TNNI3K: variants seen among roughly 807,000 people sequenced by gnomAD.
TNNI3K encodes TNNI3 interacting kinase.
Under a neutral mutation model 114.5 loss-of-function variants are expected in TNNI3K, and 140 were observed. That is an observed-to-expected ratio of 1.22 (90% CI 1.07 to 1.41). TNNI3K has a LOEUF of 1.41. TNNI3K is among the 40% of genes most tolerant of loss of function. The probability of loss-of-function intolerance (pLI) is 0.00; values close to 1 mark genes in which losing one functional copy is unlikely to be tolerated. For synonymous variants in TNNI3K, 347 were observed against 347.5 expected, an observed-to-expected ratio of 1.00 and a Z score of 0.02; for missense variants, 1,125 against 1,007.6, an observed-to-expected ratio of 1.12 and a Z score of -1.58.
In TNNI3K at chr1:74,388,694, C is replaced by A. The variant is rs573939339; in HGVS notation, c.1772+18302C>A. On this transcript the variant is annotated intron_variant, in intron 17 of 24. Transcript: ENST00000326637. The stretch of plus-strand genomic sequence containing the variant: ...TTTCTGACTTATCTGAAAAATATAA[C>A]AAGGAAAACGGTTCTCATATTTGAA... 2.6e-4 allele frequency among the ~76,000 whole-genome samples: 39 copies of A among 152,276 alleles called. 1 individual carries two copies. In the South Asian group the frequency reaches 7.7e-3, roughly 30 times the overall value.
At chr1:74,383,952 C>T (rs1663337680) in intron 17 of TNNI3K, among the ~76,000 whole-genome samples, 1 of 151,960 alleles carries the variant, frequency 6.6e-6, no homozygotes, top group Non-Finnish European at 1.5e-5. Context: ...TTATTACACA[C>T]ACTAGATAGT....
intron 20 of TNNI3K, among the ~76,000 whole-genome samples, chr1:74,458,712 A>G (rs17095360): frequency 0.02 from 3,003 of 152,284 alleles, 86 homozygotes; most frequent in African/African-American, 0.069. Context: ...ACCAGAATTT[A>G]TATGAGTTCC....
At chr1:74,399,442 G>T (rs1664252481) in intron 17 of TNNI3K, among the ~76,000 whole-genome samples, 1 of 152,104 alleles carries the variant, frequency 6.6e-6, no homozygotes, top group Non-Finnish European at 1.5e-5. Context: ...TTGAGTTCAT[G>T]GTTCACCACT....
At chr1:74,478,041 C>T (rs1300993074) in intron 21 of TNNI3K, among the ~76,000 whole-genome samples, 1 of 152,098 alleles carries the variant, frequency 6.6e-6, no homozygotes, top group Non-Finnish European at 1.5e-5. Flanking sequence ...TATTTATGTT[C>T]TTTGGAATTT....
At chr1:74,259,283 C>A (rs1172328509) in intron 4 of TNNI3K, among the ~76,000 whole-genome samples, 1 of 152,178 alleles carries the variant, frequency 6.6e-6, no homozygotes, top group Non-Finnish European at 1.5e-5. Context: ...GACTTGAGAA[C>A]CAGGGGAGCC....
At chr1:74,467,965 C>T (rs943428326) in intron 21 of TNNI3K, among the ~76,000 whole-genome samples, 6 of 152,142 alleles carry the variant, frequency 3.9e-5, no homozygotes, top group African/African-American at 1.4e-4. Context: ...AGCTGGACTG[C>T]TGTTTGAGTA....
intron 21 of TNNI3K, among the ~76,000 whole-genome samples, chr1:74,484,786 CA>C (rs1241144413): frequency 6.6e-6 from 1 of 152,064 alleles, no homozygotes; most frequent in East Asian, 1.9e-4. Flanking sequence ...CGTTTTAACC[CA>C]AATAACATGG....
intron 21 of TNNI3K, chr1:74,471,375 A>G (rs181645034): frequency 3.8e-4 from 151 of 400,722 alleles, no homozygotes; most frequent in African/African-American, 2.8e-3. Flanking sequence ...ATAATTTCTT[A>G]GGAGGCAACA....
intron 20 of TNNI3K, among the ~76,000 whole-genome samples, chr1:74,443,951 A>G (rs770128556): frequency 1.3e-5 from 2 of 152,222 alleles, no homozygotes; most frequent in African/African-American, 2.4e-5. Context: ...CTTTGATACA[A>G]TTCAACATCC....
At chr1:74,473,980 ATGTG>A (rs1668062829) in intron 21 of TNNI3K, among the ~76,000 whole-genome samples, 1 of 152,130 alleles carries the variant, frequency 6.6e-6, no homozygotes, top group African/African-American at 2.4e-5. Context: ...TCTGGAGCAG[ATGTG>A]ACCTTGGCTG....
At chr1:74,478,863 G>A (rs1045717042) in intron 21 of TNNI3K, among the ~76,000 whole-genome samples, 8 of 152,048 alleles carry the variant, frequency 5.3e-5, no homozygotes, top group African/African-American at 1.9e-4. Flanking sequence ...GTCTTTTATG[G>A]TAAATTATTT....
intron 5 of TNNI3K, among the ~76,000 whole-genome samples, chr1:74,312,014 T>C (rs1215525685): frequency 6.6e-6 from 1 of 152,188 alleles, no homozygotes. Flanking sequence ...GTAAGTTGTA[T>C]TTAGATTCTA....
intron 9 of TNNI3K, among the ~76,000 whole-genome samples, chr1:74,349,193 G>GT (rs1485602051): frequency 2.6e-5 from 4 of 152,236 alleles, no homozygotes; most frequent in Non-Finnish European, 5.9e-5. Context: ...TTTATTGAAA[G>GT]TTTTTAGCAT....
chr1:74,434,850 CA>C lies in TNNI3K; in HGVS notation c.1773-1228del, dbSNP rs1411124958. 3.3e-5 allele frequency among the ~76,000 whole-genome samples: 5 copies of C among 152,010 alleles called. No homozygotes were observed. In the East Asian group the frequency reaches 7.7e-4, roughly 24 times the overall value. ...CCAAAGATAAAATCAGTAGCAATTA[CA>C]AGAGAAGTTCAAAAGTAACTTTTTT... On this transcript the variant is annotated intron_variant, in intron 17 of 24. Coordinates refer to ENST00000326637, the MANE Select transcript of TNNI3K (RefSeq NM_015978.3).
intron 20 of TNNI3K, among the ~76,000 whole-genome samples, chr1:74,439,834 AG>A (rs1666298393): frequency 6.6e-6 from 1 of 152,080 alleles, no homozygotes; most frequent in Non-Finnish European, 1.5e-5. Flanking sequence ...ACAGAAATGC[AG>A]GTATATTTTA....
At chr1:74,252,996 G>A (rs998629646) in intron 4 of TNNI3K, among the ~76,000 whole-genome samples, 3 of 152,016 alleles carry the variant, frequency 2.0e-5, no homozygotes, top group Non-Finnish European at 4.4e-5. Flanking sequence ...TGATTGGTCC[G>A]TTTTACAGAG....
At chr1:74,507,338 A>G (rs1465005635) in intron 23 of TNNI3K, among the ~76,000 whole-genome samples, 1 of 151,076 alleles carries the variant, frequency 6.6e-6, no homozygotes, top group Non-Finnish European at 1.5e-5. Context: ...CTAGTTACCC[A>G]TCATGTTTGC....
At chr1:74,252,414 T>A (rs1654984300) in intron 4 of TNNI3K, among the ~76,000 whole-genome samples, 1 of 152,286 alleles carries the variant, frequency 6.6e-6, no homozygotes, top group African/African-American at 2.4e-5. Flanking sequence ...ATTTTGCAAA[T>A]TTCTTAACAA....
chr1:74,404,634 G>A (rs922889067), intron 17 of TNNI3K, among the ~76,000 whole-genome samples: 2 of 152,174 alleles, frequency 1.3e-5, no homozygotes, highest in African/African-American at 4.8e-5. Flanking sequence ...GTTCCCAGGT[G>A]AGACTAATGC....
Sources: gnomAD v4.1 joint callset for allele counts (sites outside exome capture counted in the v4.1 genomes callset) on GRCh38, gnomAD v4.1.1 for gene constraint, MANE v1.5 for transcripts, NCBI Gene and HGNC (gene_info 2026-07-23, HGNC 2026-07-21) for gene names.